VTI1A: variants seen among roughly 807,000 people sequenced by gnomAD.
VTI1A encodes vesicle transport through interaction with t-SNAREs 1A.
Under a neutral mutation model 34.9 loss-of-function variants are expected in VTI1A, and 22 were observed. The observed-to-expected ratio is 0.63, with a 90% CI of 0.45 to 0.90. The LOEUF is 0.90. Among genes scored for constraint, VTI1A ranks in the 40% least tolerant of loss-of-function variants. The pLI, the probability that VTI1A is intolerant of heterozygous loss-of-function variation, is 0.00. For missense variants in VTI1A, 268 were observed against 275.6 expected, an observed-to-expected ratio of 0.97 and a Z score of 0.20; for synonymous variants, 87 against 97.3, an observed-to-expected ratio of 0.89 and a Z score of 0.62.
At chr10:112,822,119 A>G (rs1853665310), downstream of VTI1A, among the ~76,000 whole-genome samples, 1 of 152,018 alleles carries the variant, frequency 6.6e-6, no homozygotes, top group Non-Finnish European at 1.5e-5. Flanking sequence ...AGACAGACCC[A>G]CTACATGAGG....
At chr10:112,830,849 A>ATATATATATATATATT in the VTI1A span, among the ~76,000 whole-genome samples, 5 of 33,494 alleles carry the variant, frequency 1.5e-4, no homozygotes, top group East Asian at 1.5e-3. Context: ...ATATATATAT[A>ATATATATATATATATT]TTTTTTTTTT....
In VTI1A at chr10:112,527,140, T is replaced by G; in HGVS notation, c.318T>G (p.Asp106Glu). The G allele has an allele frequency of 6.2e-7, 1 of 1,613,428 alleles. No individual in the cohort carries two copies. Among genetic ancestry groups the G allele is most frequent in the Non-Finnish European group, 8.5e-7 (1 of 1,179,650 alleles). ...AAGTACGGAATGAGCTCCTGGGGGA[T>G]GATGGGAATTCCTCAGAGAACCAGG... ...SDEVRNELLG[D>E]DGNSSENQRA... is the part of the protein sequence containing the mutation. Residue 106 changes from aspartate to glutamate, a missense_variant, in exon 4 of 8, where the codon GAT becomes GAG. Asp to Glu is a conservative substitution (Grantham distance 45). Transcript: ENST00000393077.
chr10:112,497,554 A>G (rs1216127079), intron 3 of VTI1A, among the ~76,000 whole-genome samples: 3 of 152,226 alleles, frequency 2.0e-5, no homozygotes, highest in Non-Finnish European at 4.4e-5. Context: ...TGCCTGATCC[A>G]TAGTAAGCTC....
At chr10:112,618,522 T>TAGAGAGAGAGAGAGAGAGAG (rs1350356577) in intron 5 of VTI1A, among the ~76,000 whole-genome samples, 57 of 43,664 alleles carry the variant, frequency 1.3e-3, no homozygotes, top group African/African-American at 2.3e-3. Flanking sequence ...TATATATATA[T>TAGAGAGAGAGAGAGAGAGAG]ATAGAGAGAG....
At chr10:112,705,562 C>T (rs1335443313) in intron 7 of VTI1A, among the ~76,000 whole-genome samples, 1 of 152,182 alleles carries the variant, frequency 6.6e-6, no homozygotes, top group Non-Finnish European at 1.5e-5. Context: ...ATCTCGTTCC[C>T]TGTGGCTGCC....
At chr10:112,481,822 A>G (rs992615194) in intron 3 of VTI1A, among the ~76,000 whole-genome samples, 2 of 152,352 alleles carry the variant, frequency 1.3e-5, no homozygotes, top group Middle Eastern at 3.4e-3. Context: ...AATTTGGAAC[A>G]GAAAGAAAGA....
At chr10:112,588,886 C>G (rs1844266146) in intron 5 of VTI1A, among the ~76,000 whole-genome samples, 1 of 152,132 alleles carries the variant, frequency 6.6e-6, no homozygotes, top group Non-Finnish European at 1.5e-5. Flanking sequence ...GCTTTCTTAC[C>G]TCTCCTGACA....
At chr10:112,492,048 G>A (rs1295638824) in intron 3 of VTI1A, among the ~76,000 whole-genome samples, 1 of 152,150 alleles carries the variant, frequency 6.6e-6, no homozygotes, top group Non-Finnish European at 1.5e-5. Context: ...AAGCTCCCCA[G>A]GTGATTCCAA....
At chr10:112,467,822 A>G (rs1271439241) in intron 3 of VTI1A, among the ~76,000 whole-genome samples, 1 of 152,222 alleles carries the variant, frequency 6.6e-6, no homozygotes, top group Non-Finnish European at 1.5e-5. Flanking sequence ...TTAATTATAG[A>G]TTTCATTCAA....
At chr10:112,561,918 A>G (rs1482847160) in intron 5 of VTI1A, among the ~76,000 whole-genome samples, 1 of 152,154 alleles carries the variant, frequency 6.6e-6, no homozygotes, top group Non-Finnish European at 1.5e-5. Context: ...TATCATCAAC[A>G]TTTCACTCCC....
intron 7 of VTI1A, among the ~76,000 whole-genome samples, chr10:112,759,474 G>C (rs2134005119): frequency 6.6e-6 from 1 of 152,246 alleles, no homozygotes; most frequent in East Asian, 1.9e-4. Context: ...CGAGCGTATA[G>C]AGTTCGTTCA....
rs140899665 is a variant in VTI1A at position 112,812,974 on chromosome 10, A to G, written c.561-2316A>G. ...ACTTCTCCATTCTCCTTTGAATGGA[A>G]GATTACAGTTACCAGAGACTGCATT... On this transcript the variant is annotated intron_variant, in intron 7 of 7. Coordinates refer to ENST00000393077, the MANE Select transcript of VTI1A (RefSeq NM_145206.4). Among the ~76,000 whole-genome samples, 165 of 152,342 alleles carry G rather than the reference A, an allele frequency of 1.1e-3. 1 individual carries two copies. Among genetic ancestry groups the G allele is most frequent in the African/African-American group, 3.7e-3 (155 of 41,582 alleles).
chr10:112,631,473 A>C (rs989486934), intron 5 of VTI1A, among the ~76,000 whole-genome samples: 3 of 152,082 alleles, frequency 2.0e-5, no homozygotes, highest in African/African-American at 7.2e-5. Context: ...GTCTCTATAG[A>C]TTCATCTATT....
At chr10:112,615,075 A>C (rs985532687) in intron 5 of VTI1A, among the ~76,000 whole-genome samples, 5 of 152,312 alleles carry the variant, frequency 3.3e-5, no homozygotes, top group East Asian at 3.9e-4. Context: ...CTGAAAAAAA[A>C]CCTAAAAATC....
intron 3 of VTI1A, among the ~76,000 whole-genome samples, chr10:112,500,574 C>G (rs1396592209): frequency 1.3e-5 from 2 of 152,190 alleles, no homozygotes; most frequent in Non-Finnish European, 1.5e-5. Flanking sequence ...ATAGCTAAAG[C>G]TAAGTGGCTT....
chr10:112,515,426 A>G (rs142610880), intron 3 of VTI1A, among the ~76,000 whole-genome samples: 9 of 152,204 alleles, frequency 5.9e-5, no homozygotes, highest in Admixed American at 5.9e-4. Context: ...TGATGTTAAC[A>G]TCAACTTTGA....
intron 5 of VTI1A, among the ~76,000 whole-genome samples, chr10:112,558,570 T>C (rs1343115761): frequency 2.0e-5 from 3 of 152,206 alleles, no homozygotes; most frequent in Admixed American, 2.0e-4. Context: ...CATTAAGAAT[T>C]GATCTGAACC....
intron 7 of VTI1A, among the ~76,000 whole-genome samples, chr10:112,690,973 T>C (rs1848591460): frequency 6.6e-6 from 1 of 152,160 alleles, no homozygotes; most frequent in Non-Finnish European, 1.5e-5. Flanking sequence ...ATGCATTGTT[T>C]TAAAGTCCCA....
chr10:112,841,261 G>A, the VTI1A span, among the ~76,000 whole-genome samples: 22 of 152,284 alleles, frequency 1.4e-4, 1 homozygote, highest in Non-Finnish European at 7.3e-5. Context: ...GTTTCCCAAA[G>A]GGCTAACAGG....
Sources: gnomAD v4.1 joint callset for allele counts (sites outside exome capture counted in the v4.1 genomes callset) on GRCh38, gnomAD v4.1.1 for gene constraint, MANE v1.5 for transcripts, NCBI Gene and HGNC (gene_info 2026-07-23, HGNC 2026-07-21) for gene names.